The following MTMR14 variants were observed in gnomAD, a reference collection of about 807,000 sequenced individuals.
MTMR14 encodes myotubularin related protein 14.
In MTMR14, 48 loss-of-function variants were observed where a neutral mutation model predicts 86.3. The observed-to-expected ratio is 0.56, with a 90% CI of 0.44 to 0.71. MTMR14 has a LOEUF of 0.71. Ranked by LOEUF, MTMR14 falls within the 30% of genes least tolerant of loss-of-function variation. The pLI is 0.00. For missense variants in MTMR14, 780 were observed against 834.6 expected (o/e 0.93, Z 0.81); for synonymous variants, 366 against 326.1 (o/e 1.12, Z -1.32).
intron 17 of MTMR14, among the ~76,000 whole-genome samples, chr3:9,697,139 A>G (rs886450481): frequency 1.1e-4 from 17 of 152,060 alleles, no homozygotes; most frequent in African/African-American, 2.4e-5. Context: ...AATACAAACT[A>G]TGGCACCTGG....
At chr3:9,668,605 G>C in intron 3 of MTMR14, 114 bp from the exon 4 acceptor site, 1 of 1,044,600 alleles carries the variant, frequency 9.6e-7, no homozygotes, top group Non-Finnish European at 1.5e-6. Flanking sequence ...ACTTTGGGGA[G>C]TGCTCCTGGG....
intron 2 of MTMR14, among the ~76,000 whole-genome samples, chr3:9,660,184 G>C (rs996279697): frequency 4.6e-5 from 7 of 152,112 alleles, no homozygotes; most frequent in African/African-American, 1.7e-4. Flanking sequence ...TGAGGGGAAG[G>C]CAGCACACTC....
chr3:9,673,085 A>G (rs2048661733), intron 7 of MTMR14, among the ~76,000 whole-genome samples: 1 of 152,178 alleles, frequency 6.6e-6, no homozygotes, highest in Non-Finnish European at 1.5e-5. Flanking sequence ...TTTATATGAA[A>G]GTGGTCTGTG....
chr3:9,660,420 G>A (rs896625410), intron 2 of MTMR14, among the ~76,000 whole-genome samples: 2 of 152,034 alleles, frequency 1.3e-5, no homozygotes, highest in Non-Finnish European at 2.9e-5. Flanking sequence ...CACCACGCCA[G>A]GCTAATTTTT....
intron 18 of MTMR14, among the ~76,000 whole-genome samples, chr3:9,699,170 CAA>C (rs113659946): frequency 0.035 from 4,295 of 121,258 alleles, 84 homozygotes; most frequent in African/African-American, 0.062. Flanking sequence ...GAAACTCTCT[CAA>C]AAAAAAAAAA....
intron 3 of MTMR14, among the ~76,000 whole-genome samples, chr3:9,665,618 A>G: frequency 6.6e-6 from 1 of 152,234 alleles, no homozygotes; most frequent in East Asian, 1.9e-4. Context: ...GTACCCCTGA[A>G]TCTAATGTTT....
intron 9 of MTMR14, among the ~76,000 whole-genome samples, chr3:9,682,470 C>T (rs2075800049): frequency 6.6e-6 from 1 of 152,172 alleles, no homozygotes; most frequent in African/African-American, 2.4e-5. Context: ...TCAGGCCCTT[C>T]CATGGAGTTC....
At chr3:9,664,772 A>G (rs1373855508) in intron 3 of MTMR14, among the ~76,000 whole-genome samples, 1 of 152,210 alleles carries the variant, frequency 6.6e-6, no homozygotes, top group Non-Finnish European at 1.5e-5. Flanking sequence ...TGACAGGAAC[A>G]AGGGGGAGGA....
chr3:9,663,810 G>T (rs2048092425), intron 3 of MTMR14, among the ~76,000 whole-genome samples: 2 of 149,236 alleles, frequency 1.3e-5, no homozygotes, highest in South Asian at 4.3e-4. Context: ...ACCGCGCACG[G>T]CCTGGAGTCT....
At chr3:9,674,157 G>A (rs757249855) in intron 7 of MTMR14, among the ~76,000 whole-genome samples, 13 of 152,192 alleles carry the variant, frequency 8.5e-5, no homozygotes, top group Non-Finnish European at 4.4e-5. Context: ...TGAGGAACCA[G>A]GCATCACTTC....
At chr3:9,656,989 T>C (rs1265059173) in intron 2 of MTMR14, among the ~76,000 whole-genome samples, 1 of 152,098 alleles carries the variant, frequency 6.6e-6, no homozygotes, top group African/African-American at 2.4e-5. Context: ...CATGGCTTGC[T>C]GCGGCCTTGA....
chr3:9,691,093 T>C (rs532352048), intron 17 of MTMR14, among the ~76,000 whole-genome samples: 39 of 152,286 alleles, frequency 2.6e-4, no homozygotes, highest in African/African-American at 8.4e-4. Context: ...ATGAAGGAAG[T>C]TGGGGAAGAA....
chr3:9,681,758 C>G (rs2075775924), intron 9 of MTMR14, among the ~76,000 whole-genome samples: 1 of 152,204 alleles, frequency 6.6e-6, no homozygotes, highest in Non-Finnish European at 1.5e-5. Flanking sequence ...GCTTCTTACT[C>G]TGGTGTTATA....
intron 3 of MTMR14, among the ~76,000 whole-genome samples, chr3:9,662,679 T>G (rs909167695): frequency 1.3e-5 from 2 of 152,208 alleles, no homozygotes; most frequent in African/African-American, 4.8e-5. Flanking sequence ...AAATTAAGAA[T>G]AATAATCACC....
chr3:9,676,180 C>G lies in MTMR14; in HGVS notation c.752-1137C>G, dbSNP rs1436814543. Among the ~76,000 whole-genome samples the G allele has an allele frequency of 2.0e-5, 3 of 152,222 alleles. No homozygotes were observed. The East Asian group carries it at 5.8e-4, about 29-fold the overall frequency. On this transcript the variant is annotated intron_variant, in intron 7 of 18. Coordinates refer to ENST00000296003, the MANE Select transcript of MTMR14 (RefSeq NM_001077525.3). Reference sequence around the variant, plus strand: ...TGTTTTCTTGCCTCTGGGACCTCACCAGACTTGGAGGTGTGGCCAAAGCCA... The same window carrying G: ...TGTTTTCTTGCCTCTGGGACCTCACGAGACTTGGAGGTGTGGCCAAAGCCA...
At chr3:9,690,413 C>T (rs139618867) in intron 17 of MTMR14, among the ~76,000 whole-genome samples, 1 of 152,328 alleles carries the variant, frequency 6.6e-6, no homozygotes, top group East Asian at 1.9e-4. Context: ...TAGGGACTGC[C>T]TCCACTTGTT....
chr3:9,680,388 G>A (rs1267973576), intron 9 of MTMR14, among the ~76,000 whole-genome samples: 1 of 152,212 alleles, frequency 6.6e-6, no homozygotes, highest in Non-Finnish European at 1.5e-5. Flanking sequence ...GAAGTGCTCA[G>A]ATAGCAAGCA....
intron 3 of MTMR14, among the ~76,000 whole-genome samples, chr3:9,663,048 G>A (rs1189502768): frequency 2.6e-5 from 4 of 152,186 alleles, no homozygotes; most frequent in Non-Finnish European, 4.4e-5. Context: ...GAATGAAGAC[G>A]GCTGAACGCT....
chr3:9,685,972 A>G (rs529540161), intron 13 of MTMR14, among the ~76,000 whole-genome samples: 9 of 152,068 alleles, frequency 5.9e-5, no homozygotes, highest in Non-Finnish European at 1.3e-4. Flanking sequence ...GAATGAGTCC[A>G]GGTGCCCAGC....
Sources: gnomAD v4.1 joint callset for allele counts (sites outside exome capture counted in the v4.1 genomes callset) on GRCh38, gnomAD v4.1.1 for gene constraint, MANE v1.5 for transcripts, NCBI Gene and HGNC (gene_info 2026-07-23, HGNC 2026-07-21) for gene names.